Variants in ZMAT4 observed in about 807,000 individuals in gnomAD.
The protein encoded by ZMAT4 is zinc finger matrin-type protein 4.
Under a neutral mutation model 28.7 loss-of-function variants are expected in ZMAT4, and 17 were observed. The observed-to-expected ratio is 0.59, with a 90% CI of 0.41 to 0.89. The LOEUF (loss-of-function observed/expected upper bound fraction) is 0.89, where lower values mean the gene tolerates loss of function less well. Among genes scored for constraint, ZMAT4 ranks in the 40% least tolerant of loss-of-function variants. ZMAT4 has a pLI of 0.00. For synonymous variants in ZMAT4, 117 were observed against 109.2 expected (o/e 1.07, Z -0.44); for missense variants, 240 against 283.8 (o/e 0.85, Z 1.11).
At chr8:40,865,128 G>A (rs1236340102) in intron 1 of ZMAT4, among the ~76,000 whole-genome samples, 1 of 152,144 alleles carries the variant, frequency 6.6e-6, no homozygotes, top group Non-Finnish European at 1.5e-5. Context: ...ACATATCTCA[G>A]CAAAAGTGAG....
At chr8:40,692,017 T>G (rs936993937) in intron 4 of ZMAT4, among the ~76,000 whole-genome samples, 1 of 152,210 alleles carries the variant, frequency 6.6e-6, no homozygotes, top group South Asian at 2.1e-4. Context: ...TGACTAAAAT[T>G]TAAATAACCA....
intron 3 of ZMAT4, among the ~76,000 whole-genome samples, chr8:40,749,696 A>T (rs894619312): frequency 6.6e-6 from 1 of 152,236 alleles, no homozygotes; most frequent in Non-Finnish European, 1.5e-5. Flanking sequence ...TCACTTATGC[A>T]TGAAATGGTT....
At chr8:40,776,268 A>G (rs1813591677) in intron 2 of ZMAT4, among the ~76,000 whole-genome samples, 1 of 152,254 alleles carries the variant, frequency 6.6e-6, no homozygotes, top group African/African-American at 2.4e-5. Flanking sequence ...TGTTTAAAAC[A>G]GCATTTAAAG....
chr8:40,853,279 G>A (rs560813378), intron 1 of ZMAT4, among the ~76,000 whole-genome samples: 12 of 152,318 alleles, frequency 7.9e-5, no homozygotes, highest in Middle Eastern at 3.4e-3. Context: ...TTTGTGGGCT[G>A]GGCGCAGTGG....
At chr8:40,665,403 C>T (rs1808369299) in intron 5 of ZMAT4, among the ~76,000 whole-genome samples, 1 of 152,130 alleles carries the variant, frequency 6.6e-6, no homozygotes, top group South Asian at 2.1e-4. Flanking sequence ...GCAGCAGCTG[C>T]ATTACAGGGG....
At chr8:40,638,245 G>A (rs1806869548) in intron 5 of ZMAT4, among the ~76,000 whole-genome samples, 1 of 152,194 alleles carries the variant, frequency 6.6e-6, no homozygotes, top group Non-Finnish European at 1.5e-5. Flanking sequence ...TGATAAATAT[G>A]TGAGGTAATA....
intron 1 of ZMAT4, among the ~76,000 whole-genome samples, chr8:40,834,982 C>T (rs901723647): frequency 1.3e-5 from 2 of 152,224 alleles, no homozygotes; most frequent in Non-Finnish European, 2.9e-5. Flanking sequence ...ATGCACCCAG[C>T]TGATGGGTCC....
At chr8:40,639,675 A>G (rs527718297) in intron 5 of ZMAT4, among the ~76,000 whole-genome samples, 1 of 151,162 alleles carries the variant, frequency 6.6e-6, no homozygotes, top group East Asian at 2.0e-4. Context: ...ATGAAGTTAC[A>G]GAGAACCTGT....
In ZMAT4 at chr8:40,640,404, A is replaced by G. The variant is rs571875151; in HGVS notation, c.577+34300T>C. ...AAAAGGCACAGTTGCCAGTGGCTCC[A>G]TCTTGATTGCACAGAGGCACTCTCA... On this transcript the variant is annotated intron_variant, in intron 5 of 6. Transcript: ENST00000297737. 1.1e-3 allele frequency among the ~76,000 whole-genome samples: 165 copies of G among 152,330 alleles called. 1 individual carries two copies. The highest frequency in any genetic ancestry group is 3.9e-3 in the African/African-American group (164 of 41,574).
rs567339578 is a variant in ZMAT4, at chr8:40,842,965, T to C, written c.-4-17285A>G. On this transcript the variant is annotated intron_variant, in intron 1 of 6. Transcript: ENST00000297737. ...TAATTTTTTGTATTTTTAGTAGAGATGGGGTTTCGCCATGTTGGCTAGGCT... is the reference window on the plus strand; with the variant it reads ...TAATTTTTTGTATTTTTAGTAGAGACGGGGTTTCGCCATGTTGGCTAGGCT... Among the ~76,000 whole-genome samples, 26 of 152,208 alleles carry C rather than the reference T, an allele frequency of 1.7e-4. No homozygotes were observed. The South Asian group carries it at 3.5e-3, about 21-fold the overall frequency.
At chr8:40,682,375 A>C (rs1465538246) in intron 4 of ZMAT4, among the ~76,000 whole-genome samples, 3 of 152,218 alleles carry the variant, frequency 2.0e-5, no homozygotes. Context: ...GTCAGAATAT[A>C]ATGTGAAAGT....
chr8:40,824,220 T>G (rs1160627780), intron 2 of ZMAT4, among the ~76,000 whole-genome samples: 1 of 152,212 alleles, frequency 6.6e-6, no homozygotes, highest in African/African-American at 2.4e-5. Context: ...CAATATAAAA[T>G]TACTTACAAG....
At chr8:40,624,407 C>T (rs2599640) in intron 5 of ZMAT4, among the ~76,000 whole-genome samples, 94,459 of 151,564 alleles carry the variant, frequency 0.62, 30,718 homozygotes, top group East Asian at 0.81. Flanking sequence ...CCTCCAGGAC[C>T]GTCAGAAAAT....
At chr8:40,868,764 G>A (rs1817757103) in intron 1 of ZMAT4, among the ~76,000 whole-genome samples, 2 of 152,176 alleles carry the variant, frequency 1.3e-5, no homozygotes, top group Non-Finnish European at 2.9e-5. Flanking sequence ...CTTTTGAGAA[G>A]TGCCTGCCCG....
intron 3 of ZMAT4, among the ~76,000 whole-genome samples, chr8:40,706,115 C>T (rs1002711824): frequency 1.3e-5 from 2 of 152,062 alleles, no homozygotes; most frequent in Admixed American, 6.6e-5. Context: ...AACAGTGATG[C>T]GATCTCAGCT....
At chr8:40,583,659 TGAGGACATGTGC>T (rs1244336340) in intron 5 of ZMAT4, among the ~76,000 whole-genome samples, 1 of 152,204 alleles carries the variant, frequency 6.6e-6, no homozygotes, top group East Asian at 1.9e-4. Context: ...CAGGAGGTCC[TGAGGACATGTGC>T]CCAAAGTGGT....
At chr8:40,608,762 G>C (rs2118647102) in intron 5 of ZMAT4, among the ~76,000 whole-genome samples, 1 of 152,240 alleles carries the variant, frequency 6.6e-6, no homozygotes, top group East Asian at 1.9e-4. Flanking sequence ...CGTTCTTTCT[G>C]CTGCTTCCTT....
intron 5 of ZMAT4, among the ~76,000 whole-genome samples, chr8:40,616,644 C>G (rs191059659): frequency 3.0e-4 from 45 of 152,102 alleles, no homozygotes; most frequent in African/African-American, 1.0e-3. Context: ...GGACAGAAAA[C>G]CAAACACTGC....
At chr8:40,708,342 A>G (rs578175566) in intron 3 of ZMAT4, among the ~76,000 whole-genome samples, 3 of 152,326 alleles carry the variant, frequency 2.0e-5, no homozygotes, top group East Asian at 3.9e-4. Context: ...GGGCAGACAC[A>G]GCCTAGACCT....
Sources: allele counts gnomAD v4.1 joint callset (sites outside exome capture counted in the v4.1 genomes callset), GRCh38; gene constraint gnomAD v4.1.1; transcripts MANE v1.5; gene names NCBI Gene and HGNC (gene_info 2026-07-23, HGNC 2026-07-21).